The following CHSY3 variants were observed in gnomAD, a reference collection of about 807,000 sequenced individuals.
The protein encoded by CHSY3 is N-acetylgalactosaminyl-proteoglycan 3-beta-glucuronosyltransferase 3.
In CHSY3, 35 loss-of-function variants were observed where a neutral mutation model predicts 67.2. The ratio of observed to expected loss-of-function variants is 0.52; its 90% CI spans 0.40 to 0.69. The LOEUF is 0.69. CHSY3 is among the 30% of genes least tolerant of loss of function. CHSY3 has a pLI of 0.00. For missense variants in CHSY3, 1,069 were observed against 1,138.5 expected (o/e 0.94, Z 0.88); for synonymous variants, 474 against 434.7 (o/e 1.09, Z -1.12).
intron 2 of CHSY3, among the ~76,000 whole-genome samples, chr5:129,968,839 A>G (rs1157523037): frequency 2.0e-5 from 3 of 151,846 alleles, no homozygotes; most frequent in Non-Finnish European, 4.4e-5. Flanking sequence ...GTCTACCTGC[A>G]TCTGAAATAT....
chr5:129,912,688 T>A (rs1487850339), intron 2 of CHSY3, among the ~76,000 whole-genome samples: 1 of 152,212 alleles, frequency 6.6e-6, no homozygotes, highest in Non-Finnish European at 1.5e-5. Context: ...TCTTAAAAGA[T>A]CACTGGATGT....
At chr5:130,000,019 G>A (rs1168642349) in intron 2 of CHSY3, among the ~76,000 whole-genome samples, 1 of 152,062 alleles carries the variant, frequency 6.6e-6, no homozygotes, top group Non-Finnish European at 1.5e-5. Context: ...AGAAACTTGT[G>A]ATAAATTTCA....
chr5:129,920,814 A>AT (rs563605898), intron 2 of CHSY3, among the ~76,000 whole-genome samples: 136 of 147,358 alleles, frequency 9.2e-4, no homozygotes, highest in Admixed American at 4.2e-3. Flanking sequence ...CCACCATAAG[A>AT]TTTTTTTTTT....
At chr5:129,917,984 AAACT>A (rs1488133825) in intron 2 of CHSY3, among the ~76,000 whole-genome samples, 9 of 152,206 alleles carry the variant, frequency 5.9e-5, no homozygotes, top group African/African-American at 1.2e-4. Context: ...TATTTTAATC[AAACT>A]AACTATTTGT....
intron 2 of CHSY3, among the ~76,000 whole-genome samples, chr5:129,925,135 A>G (rs1255636446): frequency 6.6e-6 from 1 of 152,208 alleles, no homozygotes; most frequent in Non-Finnish European, 1.5e-5. Flanking sequence ...ACTTCAGAGT[A>G]TTTCACCAGG....
chr5:129,930,002 A>T (rs1040983096), intron 2 of CHSY3, among the ~76,000 whole-genome samples: 10 of 152,180 alleles, frequency 6.6e-5, no homozygotes, highest in Admixed American at 6.5e-4. Flanking sequence ...GTATACCTGA[A>T]TGAATGTATT....
chr5:130,142,183 G>A (rs946368497), intron 2 of CHSY3, among the ~76,000 whole-genome samples: 1 of 152,052 alleles, frequency 6.6e-6, no homozygotes, highest in African/African-American at 2.4e-5. Context: ...TTTAAAATTG[G>A]CACCAAAAAA....
chr5:129,939,043 T>C (rs1372414753), intron 2 of CHSY3, among the ~76,000 whole-genome samples: 1 of 152,232 alleles, frequency 6.6e-6, no homozygotes, highest in African/African-American at 2.4e-5. Context: ...GGCTCACAGT[T>C]CTGCTGGCTG....
At chr5:129,919,032 G>C (rs10045586) in intron 2 of CHSY3, among the ~76,000 whole-genome samples, 1 of 145,632 alleles carries the variant, frequency 6.9e-6, no homozygotes, top group Admixed American at 6.9e-5. Context: ...GCGTGAACCC[G>C]GGAGGCGGAG....
chr5:129,992,992 G>T (rs1246183482), intron 2 of CHSY3, among the ~76,000 whole-genome samples: 1 of 152,054 alleles, frequency 6.6e-6, no homozygotes, highest in Non-Finnish European at 1.5e-5. Flanking sequence ...TGTTCTGAGG[G>T]TTTTTAAACA....
chr5:129,933,202 G>T (rs181349893), intron 2 of CHSY3, among the ~76,000 whole-genome samples: 44 of 152,268 alleles, frequency 2.9e-4, no homozygotes, highest in African/African-American at 1.0e-3. Flanking sequence ...ACTCAGAAGT[G>T]ACCCGGTGCA....
chr5:130,080,444 T>A (rs1004738209), intron 2 of CHSY3, among the ~76,000 whole-genome samples: 1 of 152,168 alleles, frequency 6.6e-6, no homozygotes, highest in Non-Finnish European at 1.5e-5. Context: ...ACAGTGTATT[T>A]CTGCAAGCAA....
chr5:130,055,965 G>A lies in CHSY3; in HGVS notation c.1087-128264G>A, dbSNP rs76662590. Among the ~76,000 whole-genome samples the A allele has an allele frequency of 2.8e-3, 430 of 152,162 alleles. 2 individuals are homozygous for A. The highest frequency in any genetic ancestry group is 9.8e-3 in the African/African-American group (409 of 41,526). On this transcript the variant is annotated intron_variant, in intron 2 of 2. Transcript: ENST00000305031. The stretch of plus-strand genomic sequence containing the variant: ...GATTTGGAGGGGGATAAGAATTGAT[G>A]TTGATTCTCTTTCCCTTTTGATCAC...
intron 2 of CHSY3, among the ~76,000 whole-genome samples, chr5:130,052,983 CAAG>C (rs890670841): frequency 1.8e-4 from 28 of 151,920 alleles, no homozygotes; most frequent in Non-Finnish European, 1.9e-4. Context: ...ATACAGCAAA[CAAG>C]GAGTGAATTG....
At chr5:129,984,240 C>T (rs932482976) in intron 2 of CHSY3, among the ~76,000 whole-genome samples, 1 of 152,104 alleles carries the variant, frequency 6.6e-6, no homozygotes, top group Non-Finnish European at 1.5e-5. Flanking sequence ...TCCATGTGTA[C>T]TCAATGTTTA....
At position 130,185,605 on chromosome 5, in the gene CHSY3, A is replaced by G; in HGVS notation, c.2463A>G (p.Pro821=). 6.2e-7 allele frequency: 1 copy of G among 1,614,162 alleles called. No homozygotes were observed. The highest frequency in any genetic ancestry group is 8.5e-7 in the Non-Finnish European group (1 of 1,179,994). The change falls in exon 3 of 3, where the codon CCA becomes CCG. Residue 821 remains proline, a synonymous_variant. Transcript: ENST00000305031. ...YNKVILSGLR[P]FRSQEVGVVH... is the part of the protein sequence containing the mutation. ...AAGTCATTCTATCTGGCTTAAGGCC[A>G]TTCAGAAGCCAAGAAGTAGGAGTGG... is the stretch of plus-strand genomic sequence containing the variant.
At chr5:129,973,346 C>T (rs1468907669) in intron 2 of CHSY3, among the ~76,000 whole-genome samples, 1 of 152,046 alleles carries the variant, frequency 6.6e-6, no homozygotes, top group African/African-American at 2.4e-5. Flanking sequence ...ACTTACCCAC[C>T]TCTAACTACA....
chr5:129,905,525 C>T lies in CHSY3; in HGVS notation c.696C>T (p.Ser232=), dbSNP rs774477266. ...PVIALPGVDD[S]YPPQKKSFMM... is the part of the protein sequence containing the mutation. ...TCGCGCTACCGGGTGTGGACGACTC[C>T]TATCCTCCCCAGAAAAAGTCCTTCA... is the stretch of plus-strand genomic sequence containing the variant. Residue 232 remains serine, a synonymous_variant, in exon 1 of 3, where the codon TCC becomes TCT. Coordinates refer to ENST00000305031, the MANE Select transcript of CHSY3 (RefSeq NM_175856.5). The T allele has an allele frequency of 1.2e-6, 2 of 1,613,386 alleles. No individual in the cohort carries two copies. Among genetic ancestry groups the T allele is most frequent in the African/African-American group, 2.7e-5 (2 of 74,932 alleles).
intron 2 of CHSY3, among the ~76,000 whole-genome samples, chr5:130,125,172 T>C (rs1009002971): frequency 1.3e-5 from 2 of 152,136 alleles, no homozygotes; most frequent in South Asian, 4.1e-4. Flanking sequence ...GCTATTTTGG[T>C]CCTTAAGACA....
Sources: gnomAD v4.1 joint callset for allele counts (sites outside exome capture counted in the v4.1 genomes callset) on GRCh38, gnomAD v4.1.1 for gene constraint, MANE v1.5 for transcripts, NCBI Gene and HGNC (gene_info 2026-07-23, HGNC 2026-07-21) for gene names.